The following PEX6 variants were observed in gnomAD, a reference collection of about 807,000 sequenced individuals.
PEX6 encodes peroxisome biogenesis factor 6.
PEX6 carries 55 observed loss-of-function variants against 85.6 expected under a neutral mutation model. The observed-to-expected ratio is 0.64, with a 90% CI of 0.52 to 0.80. The LOEUF (loss-of-function observed/expected upper bound fraction) is 0.80, where lower values mean the gene tolerates loss of function less well. PEX6 is among the 30% of genes least tolerant of loss of function. The pLI is 0.00. For synonymous variants in PEX6, 519 were observed against 549.1 expected, an observed-to-expected ratio of 0.95 and a Z score of 0.77; for missense variants, 1,099 against 1,260.3, an observed-to-expected ratio of 0.87 and a Z score of 1.94.
In PEX6 at chr6:42,967,454, G is replaced by A. The variant is rs1769875600; in HGVS notation, c.1798C>T (p.Gln600Ter). Residue 600 changes from glutamine (Q) to a stop codon, truncating the protein, a stop_gained, in exon 8 of 17, where the codon CAG (glutamine) becomes TAG (stop). Transcript: ENST00000304611. LOFTEE classifies it high-confidence loss of function. ...AGGGCCCGCAGGATGCTGAGCCGCT[G>A]CCCCTCTGACAGAGCAGGCACCTCG... ...ELEVPALSEG[Q>*]RLSILRALTA... 1 of 1,612,432 alleles carries A rather than the reference G, an allele frequency of 6.2e-7. No individual in the cohort carries two copies. The highest frequency in any genetic ancestry group is 8.5e-7 in the Non-Finnish European group (1 of 1,179,600).
intron 2 of PEX6, among the ~76,000 whole-genome samples, chr6:42,974,388 CTT>C (rs1277487452): frequency 6.7e-6 from 1 of 148,998 alleles, no homozygotes; most frequent in African/African-American, 2.5e-5. Context: ...TCAGATTTCT[CTT>C]CTGTGGTCTC....
chr6:42,975,920 C>T (rs1581774844), intron 1 of PEX6, among the ~76,000 whole-genome samples: 3 of 150,964 alleles, frequency 2.0e-5, no homozygotes, highest in Admixed American at 6.6e-5. Flanking sequence ...GATGGAGTCT[C>T]GCTTGTCACC....
chr6:42,969,892 A>G lies in PEX6; in HGVS notation c.1226T>C (p.Leu409Ser), dbSNP rs1355523119. ...AYLADTTHTS[L>S]YMVGSTLSPV... ...CCATCCTTGGGGCCTCACCATGTAC[A>G]AGGAGGTATGGGTGGTGTCGGCCAA... is the stretch of plus-strand genomic sequence containing the variant. Residue 409 changes from leucine (L) to serine (S), a missense_variant, in exon 4 of 17, where the codon TTG becomes TCG. This residue lies in a region of PEX6 where 579 missense variants were observed against 611.6 expected (regional missense o/e 0.95). Transcript: ENST00000304611. The G allele has an allele frequency of 6.2e-7, 1 of 1,614,208 alleles. No individual in the cohort carries two copies. Among genetic ancestry groups the G allele is most frequent in the Admixed American group, 1.7e-5 (1 of 60,036 alleles).
chr6:42,974,108 G>A lies in PEX6; in HGVS notation c.1047-22C>T, dbSNP rs747561519. 3.8e-6 allele frequency: 6 copies of A among 1,590,542 alleles called. No individual in the cohort carries two copies. The South Asian group carries it at 6.6e-5, about 18-fold the overall frequency. On this transcript the variant is annotated intron_variant, in intron 2 of 16. Coordinates refer to ENST00000304611, the MANE Select transcript of PEX6 (RefSeq NM_000287.4). ...TACCCTGCAACACAGCAGTGGCCCTGGTCAGGTCACAATGGGAGTAATGAG... is the reference window on the plus strand; with the variant it reads ...TACCCTGCAACACAGCAGTGGCCCTAGTCAGGTCACAATGGGAGTAATGAG...
rs1770049683 is a variant in PEX6, at chr6:42,971,335, G to A, written c.1131-1348C>T. On this transcript the variant is annotated intron_variant, in intron 3 of 16. Transcript: ENST00000304611. This position sits in a 1 kb window ranked among gnomAD's most constrained non-coding sequence, Gnocchi z 4.4. Reference sequence around the variant, plus strand: ...AGTCATGGTGTGTATGACTCACCATGGAAGCCCTGCATAGGAATGAGATGG... The same window carrying A: ...AGTCATGGTGTGTATGACTCACCATAGAAGCCCTGCATAGGAATGAGATGG... Among the ~76,000 whole-genome samples the A allele has an allele frequency of 6.6e-6, 1 of 152,164 alleles. No individual in the cohort carries two copies. The highest frequency in any genetic ancestry group is 1.5e-5 in the Non-Finnish European group (1 of 68,018).
In PEX6 at chr6:42,965,859, G is replaced by A; in HGVS notation, c.2363-70C>T. On this transcript the variant is annotated intron_variant, in intron 12 of 16. Transcript: ENST00000304611. This position sits in a 1 kb window ranked among gnomAD's most constrained non-coding sequence, Gnocchi z 5.0. ...GGGGGGTTGAAGTTAGGTGAGAGCA[G>A]GGAGGGAAACTGGGGCCTGACAATA... is the stretch of plus-strand genomic sequence containing the variant. 7.0e-7 allele frequency: 1 copy of A among 1,432,990 alleles called. No individual in the cohort carries two copies. The allele number at this position is 1,432,990 out of a possible 1,614,324, so 88.8% of individuals were successfully genotyped here.
At chr6:42,968,167 G>C (rs1249808241) in intron 7 of PEX6, 123 bp downstream of exon 7, 2 of 806,398 alleles carry the variant, frequency 2.5e-6, no homozygotes, top group East Asian at 5.0e-5. Context: ...GGCTGGTCTT[G>C]AACTCCTGAT....
intron 1 of PEX6, among the ~76,000 whole-genome samples, chr6:42,977,264 T>TTTTTTTTTTTC (rs1770338769): frequency 6.6e-6 from 1 of 151,270 alleles, no homozygotes. Context: ...TTTTTTTTTT[T>TTTTTTTTTTTC]TTTTTTTACA....
chr6:42,968,895 G>A lies in PEX6; in HGVS notation c.1458C>T (p.His486=), dbSNP rs780605227. Residue 486 remains histidine (H), a synonymous_variant, in exon 6 of 17, where the codon CAC becomes CAT. Coordinates refer to ENST00000304611, the MANE Select transcript of PEX6 (RefSeq NM_000287.4). ...TCACCTTCAGTAAGTGGAGCCCAAGGTGACTACAGGCAGCAGCAACTACTG... is the reference window on the plus strand; with the variant it reads ...TCACCTTCAGTAAGTGGAGCCCAAGATGACTACAGGCAGCAGCAACTACTG... ...KTTVVAAACS[H]LGLHLLKVPC... is the part of the protein sequence containing the mutation. 6.2e-7 allele frequency: 1 copy of A among 1,613,796 alleles called. No homozygotes were observed. Among genetic ancestry groups the A allele is most frequent in the Non-Finnish European group, 8.5e-7 (1 of 1,179,816 alleles).
chr6:42,977,251 CTT>C (rs1554128216), intron 1 of PEX6, among the ~76,000 whole-genome samples: 14 of 126,670 alleles, frequency 1.1e-4, no homozygotes, highest in East Asian at 4.7e-4. Flanking sequence ...TGAAACCTCA[CTT>C]TTTTTTTTTT....
chr6:42,975,236 C>T lies in PEX6; in HGVS notation c.883-198G>A, dbSNP rs570325709. ...AGGAAGAGAATATCACCTCCTATCC[C>T]GACTCTGGCTCCAAAAAATTTTCTC... On this transcript the variant is annotated intron_variant, in intron 1 of 16. Transcript: ENST00000304611. Among the ~76,000 whole-genome samples the T allele has an allele frequency of 5.9e-5, 9 of 152,226 alleles. No homozygotes were observed. In the South Asian group the frequency reaches 1.0e-3, roughly 18 times the overall value.
At chr6:42,972,402 A>T (rs2150233614) in intron 3 of PEX6, among the ~76,000 whole-genome samples, 1 of 152,294 alleles carries the variant, frequency 6.6e-6, no homozygotes, top group East Asian at 1.9e-4. Flanking sequence ...TGGATTCCTT[A>T]TTTTGGGTTC....
In PEX6 at chr6:42,966,075, A is replaced by G. The variant is rs745866848; in HGVS notation, c.2331T>C (p.Tyr777=). The change falls in exon 12 of 17, where the codon TAT becomes TAC. Residue 777 remains tyrosine, a synonymous_variant. Transcript: ENST00000304611. ...GCACATTCTCCTCACTTTGGCCCAC[A>G]TACATGTTAATGAGCTCTGGCCCCT... The part of the protein sequence containing the change: ...SVKGPELINM[Y]VGQSEENVRE... The G allele has an allele frequency of 3.1e-6, 5 of 1,614,164 alleles. No individual in the cohort carries two copies. The highest frequency in any genetic ancestry group is 1.1e-5 in the South Asian group (1 of 91,084).
chr6:42,966,943 C>G, intron 8 of PEX6, 85 bp from the exon 9 acceptor site: 2 of 909,870 alleles, frequency 2.2e-6, no homozygotes, highest in South Asian at 2.6e-5. Context: ...AGCAGAGGCC[C>G]TCTGTTGATG....
In PEX6 at chr6:42,971,032, G is replaced by C. The variant is rs1379446407; in HGVS notation, c.1131-1045C>G. 6.6e-6 allele frequency among the ~76,000 whole-genome samples: 1 copy of C among 152,192 alleles called. No individual in the cohort carries two copies. The highest frequency in any genetic ancestry group is 1.5e-5 in the Non-Finnish European group (1 of 68,034). On this transcript the variant is annotated intron_variant, in intron 3 of 16. Coordinates refer to ENST00000304611, the MANE Select transcript of PEX6 (RefSeq NM_000287.4). This position sits in a 1 kb window ranked among gnomAD's most constrained non-coding sequence, Gnocchi z 4.4. ...TTTAATCCTCAGGCAGCAAGGCAATGACAGAGTCAGGCTATAACCTAGTCC... is the reference window on the plus strand; with the variant it reads ...TTTAATCCTCAGGCAGCAAGGCAATCACAGAGTCAGGCTATAACCTAGTCC...
Position 42,974,076 on chromosome 6 carries a change from C to A in PEX6, c.1057G>T (p.Glu353Ter). 1.2e-6 allele frequency: 2 copies of A among 1,613,622 alleles called. No homozygotes were observed. Among genetic ancestry groups the A allele is most frequent in the South Asian group, 1.1e-5 (1 of 91,074 alleles). ...GTTGGCACACATAGAACATCCCCTT[C>A]CTGGACTACCCTGCAACACAGCAGT... The part of the protein sequence containing the change: ...RHFQIPRVVQ[E>*]GDVLCVPTIG... The change falls in exon 3 of 17, where the codon GAA (glutamate) becomes TAA (stop). Residue 353 changes from glutamate (E) to a stop codon, truncating the protein, a stop_gained. Transcript: ENST00000304611. LOFTEE classifies it high-confidence loss of function.
chr6:42,967,713 G>A (rs1769893142), intron 7 of PEX6, 150 bp from the exon 8 acceptor site: 2 of 665,120 alleles, frequency 3.0e-6, no homozygotes, highest in Non-Finnish European at 5.3e-6. Flanking sequence ...GTTCCTAGAT[G>A]GGGGAACTGT....
Position 42,965,099 on chromosome 6 carries a change from C to T in PEX6, c.2642G>A (p.Arg881His), listed in dbSNP as rs751377690. The T allele has an allele frequency of 1.4e-5, 22 of 1,614,108 alleles. No homozygotes were observed. The highest frequency in any genetic ancestry group is 7.7e-5 in the South Asian group (7 of 91,096). The stretch of plus-strand genomic sequence containing the variant: ...CTTGCGTGTGATGGCACTTAGAACG[C>T]GTAGCTGGGAGGCCCGGTCCTCATT... ...GANEDRASQL[R>H]VLSAITRKFK... is the part of the protein sequence containing the mutation. The change falls in exon 15 of 17, where the codon CGC becomes CAC. Residue 881 changes from arginine to histidine, a missense_variant. Physicochemically the swap from Arg to His is conservative, Grantham distance 29. Transcript: ENST00000304611. This position sits in a 1 kb window ranked among gnomAD's most constrained non-coding sequence, Gnocchi z 5.0.
At chr6:42,966,940 G>A in intron 8 of PEX6, 82 bp from the exon 9 acceptor site, 1 of 956,330 alleles carries the variant, frequency 1.0e-6, no homozygotes, top group East Asian at 2.4e-5. Flanking sequence ...TAGAGCAGAG[G>A]CCCTCTGTTG....
Sources: allele counts gnomAD v4.1 joint callset (sites outside exome capture counted in the v4.1 genomes callset), GRCh38; gene constraint gnomAD v4.1.1; regional missense constraint gnomAD v4.1.1; non-coding constraint Gnocchi (gnomAD v3.1); transcripts MANE v1.5; gene names NCBI Gene and HGNC (gene_info 2026-07-23, HGNC 2026-07-21).